Variants in BMPR1A observed in about 807,000 individuals in gnomAD.
BMPR1A encodes the protein bone morphogenetic protein receptor type-1A.
In BMPR1A, 7 loss-of-function variants were observed where a neutral mutation model predicts 66.0. The observed-to-expected ratio is 0.11, with a 90% CI of 0.06 to 0.20. The LOEUF (loss-of-function observed/expected upper bound fraction) is 0.20. BMPR1A is among the 10% of genes least tolerant of loss of function. BMPR1A has a pLI of 1.00. For missense variants in BMPR1A, 408 were observed against 669.1 expected (o/e 0.61, Z 4.31); for synonymous variants, 200 against 229.7 (o/e 0.87, Z 1.17).
chr10:86,903,371 TGAAATC>T (rs2133478935), intron 7 of BMPR1A, among the ~76,000 whole-genome samples: 1 of 152,026 alleles, frequency 6.6e-6, no homozygotes, highest in South Asian at 2.1e-4. Flanking sequence ...CTTTAGGAAA[TGAAATC>T]TATAATATCT....
At chr10:86,781,170 C>T (rs1362704703) in intron 1 of BMPR1A, among the ~76,000 whole-genome samples, 2 of 152,178 alleles carry the variant, frequency 1.3e-5, no homozygotes, top group South Asian at 2.1e-4. Flanking sequence ...TCGAATCTTA[C>T]ACTTAGGTCT....
intron 2 of BMPR1A, among the ~76,000 whole-genome samples, chr10:86,844,238 T>C (rs1842456971): frequency 6.6e-6 from 1 of 152,246 alleles, no homozygotes; most frequent in African/African-American, 2.4e-5. Context: ...ATGACCTCTT[T>C]TACAAAAGCA....
rs781170647 is a variant in BMPR1A, at chr10:86,919,492, G to C, written c.1166+23G>C. 1.1e-5 allele frequency: 17 copies of C among 1,611,966 alleles called. No homozygotes were observed. The highest frequency in any genetic ancestry group is 1.4e-5 in the Non-Finnish European group (17 of 1,178,764). Reference sequence around the variant, plus strand: ...CAGGTGAGTGGTTCTTTGCCCCACTGTTTTGAAATTATTTTAATTTCCAAA... The same window carrying C: ...CAGGTGAGTGGTTCTTTGCCCCACTCTTTTGAAATTATTTTAATTTCCAAA... On this transcript the variant is annotated intron_variant, in intron 10 of 12. Transcript: ENST00000372037.
chr10:86,787,815 G>A lies in BMPR1A; in HGVS notation c.-268+30896G>A, dbSNP rs950165988. ...ATGACAGCAGGAGAGACAGCAAAGA[G>A]GGGAATGCCACATGCTTCCAGATCT... On this transcript the variant is annotated intron_variant, in intron 1 of 12. Coordinates refer to ENST00000372037, the MANE Select transcript of BMPR1A (RefSeq NM_004329.3). Among the ~76,000 whole-genome samples the A allele has an allele frequency of 4.6e-5, 7 of 152,248 alleles. No individual in the cohort carries two copies. The Middle Eastern group carries it at 0.02, about 444-fold the overall frequency.
At position 86,900,141 on chromosome 10, in the gene BMPR1A, A is replaced by T; in HGVS notation, c.530+15A>T. Reference sequence around the variant, plus strand: ...TTTTGTTACAAGTAAGAAGATATTTATTTTGAAGCAAAATATTTTGTCAAA... The same window carrying T: ...TTTTGTTACAAGTAAGAAGATATTTTTTTTGAAGCAAAATATTTTGTCAAA... On this transcript the variant is annotated intron_variant, in intron 7 of 12. Coordinates refer to ENST00000372037, the MANE Select transcript of BMPR1A (RefSeq NM_004329.3). 1 of 1,610,056 alleles carries T rather than the reference A, an allele frequency of 6.2e-7. No homozygotes were observed. Among genetic ancestry groups the T allele is most frequent in the Non-Finnish European group, 8.5e-7 (1 of 1,178,084 alleles).
intron 2 of BMPR1A, among the ~76,000 whole-genome samples, chr10:86,851,716 T>G (rs12252110): frequency 0.023 from 3,562 of 152,046 alleles, 143 homozygotes; most frequent in African/African-American, 0.081. Flanking sequence ...CTGTGCAGAG[T>G]AATGGAAGCC....
chr10:86,762,802 CG>C (rs1841090134), intron 1 of BMPR1A, among the ~76,000 whole-genome samples: 1 of 152,144 alleles, frequency 6.6e-6, no homozygotes, highest in Non-Finnish European at 1.5e-5. Flanking sequence ...GTTCAGGATG[CG>C]GGTACTTTGG....
intron 1 of BMPR1A, among the ~76,000 whole-genome samples, chr10:86,799,512 T>TCCTTCCTTCC (rs747064378): frequency 3.4e-5 from 2 of 59,482 alleles, no homozygotes; most frequent in African/African-American, 2.1e-4. Flanking sequence ...CTTCCTTTCT[T>TCCTTCCTTCC]TTCTTTTCTT....
chr10:86,824,077 A>AG (rs1204854224), intron 1 of BMPR1A, among the ~76,000 whole-genome samples: 258 of 72,348 alleles, frequency 3.6e-3, no homozygotes, highest in African/African-American at 0.014. Flanking sequence ...AATATTACCA[A>AG]GGGTTGTGTG....
chr10:86,758,432 A>T (rs1435566086), intron 1 of BMPR1A, among the ~76,000 whole-genome samples: 6 of 143,416 alleles, frequency 4.2e-5, no homozygotes, highest in Non-Finnish European at 6.1e-5. Context: ...TTTCCTTCTA[A>T]TTTTCCTGCT....
chr10:86,847,681 CGTGTGTATGT>C (rs974272074), intron 2 of BMPR1A, among the ~76,000 whole-genome samples: 16 of 152,006 alleles, frequency 1.1e-4, no homozygotes, highest in African/African-American at 3.9e-4. Context: ...TACACACACA[CGTGTGTATGT>C]GTGTGTATAA....
rs539633054 is a variant in BMPR1A at position 86,797,301 on chromosome 10, G to C, written c.-268+40382G>C. On this transcript the variant is annotated intron_variant, in intron 1 of 12. Transcript: ENST00000372037. ...GCTGGAGTGTAGTGGCCCAATCTCG[G>C]TTCACTGCAACCTCCACCTCCTGGG... 8.7e-5 allele frequency among the ~76,000 whole-genome samples: 13 copies of C among 149,456 alleles called. No homozygotes were observed. In the East Asian group the frequency reaches 2.6e-3, roughly 30 times the overall value.
chr10:86,931,298 C>CACACACACACACACATATATATAT, downstream of BMPR1A: 2 of 90,928 alleles, frequency 2.2e-5, no homozygotes, highest in African/African-American at 1.4e-4. Context: ...CACACACACA[C>CACACACACACACACATATATATAT]ATATATATAT....
At chr10:86,805,714 G>A (rs1366764139) in intron 1 of BMPR1A, among the ~76,000 whole-genome samples, 1 of 152,004 alleles carries the variant, frequency 6.6e-6, no homozygotes, top group Non-Finnish European at 1.5e-5. Context: ...ACCTGCCTCG[G>A]CCTCCCAAAA....
At position 86,884,394 on chromosome 10, in the gene BMPR1A, A is replaced by ATTTTTT. The variant is rs759424209; in HGVS notation, c.68-5636_68-5631dup. 8.5e-4 allele frequency among the ~76,000 whole-genome samples: 42 copies of ATTTTTT among 49,346 alleles called. 8 individuals carry two copies. Among genetic ancestry groups the ATTTTTT allele is most frequent in the Admixed American group, 1.2e-3 (4 of 3,238 alleles). 32.4% of individuals were successfully genotyped at this position (49,346 alleles called of 152,430 possible). ...AGCCACCATGCCTGGCAAACACATG[A>ATTTTTT]TTTTTTTTTTTTTTTTTTTTTTTTT... On this transcript the variant is annotated intron_variant, in intron 3 of 12. Transcript: ENST00000372037.
At chr10:86,896,483 G>A (rs1843226210) in intron 5 of BMPR1A, among the ~76,000 whole-genome samples, 1 of 152,020 alleles carries the variant, frequency 6.6e-6, no homozygotes, top group Non-Finnish European at 1.5e-5. Context: ...TCTTTGATGT[G>A]GACAGTTATA....
At chr10:86,839,801 G>C (rs2133116301) in intron 2 of BMPR1A, among the ~76,000 whole-genome samples, 1 of 151,808 alleles carries the variant, frequency 6.6e-6, no homozygotes, top group East Asian at 1.9e-4. Context: ...GGGACTACAG[G>C]CACACATCAC....
chr10:86,799,724 G>C (rs970967185), intron 1 of BMPR1A, among the ~76,000 whole-genome samples: 1 of 151,860 alleles, frequency 6.6e-6, no homozygotes, highest in Non-Finnish European at 1.5e-5. Context: ...GCTAATTTTT[G>C]TATTTTTGTA....
intron 1 of BMPR1A, among the ~76,000 whole-genome samples, chr10:86,808,634 A>C (rs912752279): frequency 6.6e-6 from 1 of 152,238 alleles, no homozygotes; most frequent in Non-Finnish European, 1.5e-5. Context: ...AAATGGAAGA[A>C]GGATATTACT....
Sources: allele counts gnomAD v4.1 joint callset (sites outside exome capture counted in the v4.1 genomes callset), GRCh38; gene constraint gnomAD v4.1.1; transcripts MANE v1.5; gene names NCBI Gene and HGNC (gene_info 2026-07-23, HGNC 2026-07-21).